The following DLGAP2 variants were observed in gnomAD, a reference collection of about 807,000 sequenced individuals.
DLGAP2 encodes disks large-associated protein 2.
DLGAP2 carries 26 observed loss-of-function variants against 100.3 expected under a neutral mutation model. That is an observed-to-expected ratio of 0.26 (90% CI 0.19 to 0.36). The LOEUF (loss-of-function observed/expected upper bound fraction) is 0.36, where lower values mean the gene tolerates loss of function less well. DLGAP2 is among the 10% of genes least tolerant of loss of function. The probability of loss-of-function intolerance (pLI) is 1.00; values close to 1 mark genes in which losing one functional copy is unlikely to be tolerated. For missense variants in DLGAP2, 1,858 were observed against 1,453.2 expected, an observed-to-expected ratio of 1.28 and a Z score of -4.53; for synonymous variants, 886 against 630.1, an observed-to-expected ratio of 1.41 and a Z score of -6.08.
intron 3 of DLGAP2, among the ~76,000 whole-genome samples, chr8:1,417,729 A>AGGGGGCCCCACT (rs1563134364): frequency 7.9e-5 from 1 of 12,712 alleles, no homozygotes. Context: ...GGCTCCAGAC[A>AGGGGGCCCCACT]CAGAAGCCCA....
intron 5 of DLGAP2, among the ~76,000 whole-genome samples, chr8:1,563,291 A>G (rs1447269100): frequency 1.5e-3 from 25 of 17,164 alleles, no homozygotes; most frequent in South Asian, 4.9e-3. Context: ...TTGCTGGGGG[A>G]CTGTGTGGTG....
intron 3 of DLGAP2, among the ~76,000 whole-genome samples, chr8:1,432,607 A>T (rs911350866): frequency 6.6e-6 from 1 of 152,236 alleles, no homozygotes. Flanking sequence ...TAGAAAGTCA[A>T]GGCCTTTTAA....
chr8:1,372,371 C>T (rs955964754), intron 3 of DLGAP2, among the ~76,000 whole-genome samples: 2 of 152,192 alleles, frequency 1.3e-5, no homozygotes, highest in Admixed American at 6.5e-5. Context: ...TACCGAGGGC[C>T]GACTCTGCAG....
At position 907,946 on chromosome 8, in the gene DLGAP2, T is replaced by C; in HGVS notation, c.53T>C (p.Ile18Thr). ...GGCATTCTGCAGAAGCATTGCTGTATCTTACCAGACAGGAATACAGGTAAA... is the reference window on the plus strand; with the variant it reads ...GGCATTCTGCAGAAGCATTGCTGTACCTTACCAGACAGGAATACAGGTAAA... ...LPGILQKHCC[I>T]LPDRNTESQC... Residue 18 changes from isoleucine (I) to threonine (T), a missense_variant, in exon 2 of 15, where the codon ATC (isoleucine) becomes ACC (threonine). Transcript: ENST00000637795. 5.0e-6 allele frequency: 2 copies of C among 399,016 alleles called. No individual in the cohort carries two copies. Among genetic ancestry groups the C allele is most frequent in the East Asian group, 3.6e-5 (1 of 28,070 alleles). The allele number at this position is 399,016 out of a possible 1,614,324, so 24.7% of individuals were successfully genotyped here. A position where few individuals can be genotyped will look rare whatever the true frequency, so the allele number is the denominator to read the frequency against.
intron 13 of DLGAP2, among the ~76,000 whole-genome samples, chr8:1,695,630 C>G (rs992286310): frequency 6.6e-6 from 1 of 151,464 alleles, no homozygotes; most frequent in Non-Finnish European, 1.5e-5. Context: ...CAGCCATGCC[C>G]GGCACTACAG....
In DLGAP2 at chr8:1,668,420, C is replaced by A; in HGVS notation, c.1902C>A (p.Ser634Arg). ...TGATCTCGGTGACGGCGCAGAGCAGCACCGAATCCACCCAGGACGCCTACC... is the reference window on the plus strand; with the variant it reads ...TGATCTCGGTGACGGCGCAGAGCAGAACCGAATCCACCCAGGACGCCTACC... ...KPLISVTAQS[S>R]TESTQDAYQD... is the part of the protein sequence containing the mutation. The change falls in exon 9 of 15, where the codon AGC (serine) becomes AGA (arginine). Residue 634 changes from serine to arginine, a missense_variant. Physicochemically the swap from Ser to Arg is moderately radical, Grantham distance 110 (BLOSUM62 -1). Transcript: ENST00000637795. 1 of 1,603,946 alleles carries A rather than the reference C, an allele frequency of 6.2e-7. No individual in the cohort carries two copies. The highest frequency in any genetic ancestry group is 2.3e-5 in the East Asian group (1 of 44,220).
intron 2 of DLGAP2, among the ~76,000 whole-genome samples, chr8:1,162,700 G>C (rs1371030922): frequency 1.3e-5 from 2 of 152,196 alleles, no homozygotes; most frequent in Non-Finnish European, 2.9e-5. Context: ...ATATAGTTTA[G>C]TGTGCAAACA....
At chr8:1,115,048 G>A (rs1478560110) in intron 2 of DLGAP2, among the ~76,000 whole-genome samples, 3 of 152,174 alleles carry the variant, frequency 2.0e-5, no homozygotes, top group Admixed American at 6.5e-5. Flanking sequence ...TTGTGCTGTG[G>A]TCCAAGATTG....
intron 3 of DLGAP2, among the ~76,000 whole-genome samples, chr8:1,343,882 C>G (rs146844988): frequency 3.9e-5 from 6 of 152,314 alleles, no homozygotes; most frequent in South Asian, 2.1e-4. Context: ...GCTCAGCCCT[C>G]TCACGCTTCT....
At chr8:1,218,887 A>C (rs977819224) in intron 2 of DLGAP2, among the ~76,000 whole-genome samples, 1 of 152,034 alleles carries the variant, frequency 6.6e-6, no homozygotes, top group South Asian at 2.1e-4. Context: ...TTTTGTGACT[A>C]TTGTGAATGG....
intron 2 of DLGAP2, among the ~76,000 whole-genome samples, chr8:1,044,874 C>T (rs1178588814): frequency 1.3e-5 from 2 of 152,212 alleles, no homozygotes; most frequent in Admixed American, 6.5e-5. Flanking sequence ...AATAATTCTT[C>T]CCTCTTGTTC....
At chr8:774,008 T>G in intron 1 of DLGAP2, among the ~76,000 whole-genome samples, 1 of 152,226 alleles carries the variant, frequency 6.6e-6, no homozygotes, top group East Asian at 1.9e-4. Flanking sequence ...CTCCAGCACC[T>G]GTTGTTTCCT....
intron 2 of DLGAP2, among the ~76,000 whole-genome samples, chr8:1,086,087 A>G (rs1391474143): frequency 6.6e-6 from 1 of 152,160 alleles, no homozygotes; most frequent in Non-Finnish European, 1.5e-5. Flanking sequence ...GTGTAGAGAA[A>G]CACTAATGAC....
intron 3 of DLGAP2, among the ~76,000 whole-genome samples, chr8:1,333,602 C>T (rs1177644474): frequency 1.3e-5 from 2 of 152,178 alleles, no homozygotes; most frequent in African/African-American, 4.8e-5. Flanking sequence ...CCATATCAAG[C>T]CCTCATAATA....
intron 2 of DLGAP2, among the ~76,000 whole-genome samples, chr8:950,828 A>G (rs940166682): frequency 1.3e-5 from 2 of 151,614 alleles, no homozygotes; most frequent in Admixed American, 1.3e-4. Context: ...GTTTCACCAT[A>G]TTGGCCAGGC....
intron 1 of DLGAP2, among the ~76,000 whole-genome samples, chr8:812,862 C>G (rs1224594236): frequency 1.3e-5 from 2 of 152,146 alleles, no homozygotes; most frequent in African/African-American, 2.4e-5. Context: ...TATCCTAATG[C>G]ACCCATAGTA....
At chr8:1,672,135 G>A (rs1798704439) in intron 10 of DLGAP2, among the ~76,000 whole-genome samples, 1 of 152,152 alleles carries the variant, frequency 6.6e-6, no homozygotes, top group Non-Finnish European at 1.5e-5. Flanking sequence ...ACGGAGGCCT[G>A]GTCTAACATT....
intron 1 of DLGAP2, among the ~76,000 whole-genome samples, chr8:827,325 A>C (rs1048265043): frequency 6.6e-6 from 1 of 152,238 alleles, no homozygotes; most frequent in African/African-American, 2.4e-5. Context: ...AGGATTTTTC[A>C]TGGGTGTTCT....
chr8:872,736 T>C (rs889562114), intron 1 of DLGAP2, among the ~76,000 whole-genome samples: 2 of 152,156 alleles, frequency 1.3e-5, no homozygotes, highest in African/African-American at 4.8e-5. Context: ...TTCAAAGAGG[T>C]ACATGCAACT....
Sources: allele counts gnomAD v4.1 joint callset (sites outside exome capture counted in the v4.1 genomes callset), GRCh38; gene constraint gnomAD v4.1.1; transcripts MANE v1.5; gene names NCBI Gene and HGNC (gene_info 2026-07-23, HGNC 2026-07-21).